Variants in CARD10 observed in about 807,000 individuals in gnomAD.
CARD10 encodes the protein caspase recruitment domain-containing protein 10.
Under a neutral mutation model 114.6 loss-of-function variants are expected in CARD10, and 49 were observed. The observed-to-expected ratio is 0.43, with a 90% confidence interval of 0.34 to 0.54. The LOEUF is 0.54. CARD10 is among the 20% of genes least tolerant of loss of function. The pLI, the probability that CARD10 is intolerant of heterozygous loss-of-function variation, is 0.03. For missense variants in CARD10, 1,206 were observed against 1,397.2 expected (o/e 0.86, Z 2.18); for synonymous variants, 602 against 593.2 (o/e 1.01, Z -0.21).
intron 14 of CARD10, 56 bp downstream of exon 14, chr22:37,495,704 C>T: frequency 3.1e-6 from 5 of 1,611,606 alleles, no homozygotes; most frequent in Non-Finnish European, 4.2e-6. Flanking sequence ...AGAGCACCCC[C>T]ATCTGAGCCC....
chr22:37,518,408 C>G (rs1449793495), intron 1 of CARD10, among the ~76,000 whole-genome samples: 1 of 152,172 alleles, frequency 6.6e-6, no homozygotes, highest in South Asian at 2.1e-4. Context: ...CCCTCTATCC[C>G]CAGAAGCAAA....
Position 37,492,920 on chromosome 22 carries a change from C to A in CARD10, c.2477-118G>T. 1 of 1,042,086 alleles carries A rather than the reference C, an allele frequency of 9.6e-7. No individual in the cohort carries two copies. Among genetic ancestry groups the A allele is most frequent in the South Asian group, 1.6e-5 (1 of 64,278 alleles). 64.6% of individuals were successfully genotyped at this position (1,042,086 alleles called of 1,614,324 possible). A position where few individuals can be genotyped will look rare whatever the true frequency, so the allele number is the denominator to read the frequency against. On this transcript the variant is annotated intron_variant, in intron 16 of 19. Coordinates refer to ENST00000251973, the MANE Select transcript of CARD10 (RefSeq NM_014550.4). This position sits in a 1 kb window ranked among gnomAD's most constrained non-coding sequence, Gnocchi z 5.7. ...CTTCCTAAGTCCTGCTGCTGCTCCT[C>A]CTACACATGCACACACACACACCCT...
Position 37,491,772 on chromosome 22 carries a change from C to T in CARD10, c.2847G>A (p.Lys949=), listed in dbSNP as rs779045150. ...PIVIHVEVTE[K]NVREVRGLLG... ...CACCTCACCTGACTTCCCGGACATT[C>T]TTCTCAGTCACCTCCACGTGGATGA... Residue 949 remains lysine (K), a synonymous_variant, in exon 19 of 20, where the codon AAG becomes AAA. Transcript: ENST00000251973. The T allele has an allele frequency of 1.0e-6, 1 of 985,306 alleles. No individual in the cohort carries two copies. The highest frequency in any genetic ancestry group is 1.5e-6 in the Non-Finnish European group (1 of 677,606). 61.0% of individuals were successfully genotyped at this position (985,306 alleles called of 1,614,324 possible).
rs575823689 is a variant in CARD10, at chr22:37,496,643, G to C, written c.1948-83C>G. ...CAGGGGCTGGAGGAAGACCAGGTGT[G>C]GGGGTGTTTCATGCCTCACAGTTCA... On this transcript the variant is annotated intron_variant, in intron 12 of 19. Transcript: ENST00000251973. This position sits in a 1 kb window ranked among gnomAD's most constrained non-coding sequence, Gnocchi z 4.1. 5 of 990,488 alleles carry C rather than the reference G, an allele frequency of 5.0e-6. No homozygotes were observed. Among genetic ancestry groups the C allele is most frequent in the African/African-American group, 1.6e-5 (1 of 62,318 alleles). 61.4% of individuals were successfully genotyped at this position (990,488 alleles called of 1,614,324 possible).
At position 37,494,111 on chromosome 22, in the gene CARD10, A is replaced by G; in HGVS notation, c.2451T>C (p.Asp817=). The change falls in exon 16 of 20, where the codon GAT becomes GAC. Residue 817 remains aspartate, a synonymous_variant. Transcript: ENST00000251973. ...PVGAPAGDSP[D]QLLLEPCAEP... is the part of the protein sequence containing the mutation. ...CTGCACAGGGCTCCAGCAGCAGCTG[A>G]TCCGGGGAGTCCCCTGCAGGCGCCC... 1 of 1,558,258 alleles carries G rather than the reference A, an allele frequency of 6.4e-7. No homozygotes were observed.
At chr22:37,503,904 C>T (rs1349930240) in intron 9 of CARD10, 29 of 575,048 alleles carry the variant, frequency 5.0e-5, no homozygotes, top group Non-Finnish European at 6.6e-5. Flanking sequence ...TCAAGCTTCT[C>T]CTTGGGTATA....
Position 37,519,396 on chromosome 22 carries a change from C to T in CARD10, c.-196G>A, listed in dbSNP as rs1022459003. ...CGGGTCCGCACTCGGGCGGCGGCTC[C>T]GCCGGCGCAGGGGGGCGGTGCCCGT... On this transcript the variant is annotated 5_prime_UTR_variant, in exon 1 of 20. Transcript: ENST00000251973. This position sits in a 1 kb window ranked among gnomAD's most constrained non-coding sequence, Gnocchi z 4.1. 1.3e-4 allele frequency: 150 copies of T among 1,199,450 alleles called. No individual in the cohort carries two copies. The highest frequency in any genetic ancestry group is 1.5e-4 in the Non-Finnish European group (145 of 967,720). The allele number at this position is 1,199,450 out of a possible 1,614,324, so 74.3% of individuals were successfully genotyped here. A position where few individuals can be genotyped will look rare whatever the true frequency, so the allele number is the denominator to read the frequency against.
chr22:37,502,052 G>A (rs1468527826), intron 11 of CARD10, among the ~76,000 whole-genome samples: 1 of 152,104 alleles, frequency 6.6e-6, no homozygotes, highest in Non-Finnish European at 1.5e-5. Flanking sequence ...CAGCGGCCAC[G>A]CACCGGCCAC....
At chr22:37,495,220 C>T (rs1387228455) in intron 15 of CARD10, among the ~76,000 whole-genome samples, 1 of 152,210 alleles carries the variant, frequency 6.6e-6, no homozygotes, top group African/African-American at 2.4e-5. Context: ...CCCACCTCGG[C>T]CTCCCAAAGT....
In CARD10 at chr22:37,507,832, G is replaced by T; in HGVS notation, c.1188C>A (p.Asp396Glu). The change falls in exon 6 of 20, where the codon GAC becomes GAA. Residue 396 changes from aspartate to glutamate, a missense_variant. Physicochemically the swap from Asp to Glu is conservative, Grantham distance 45. Transcript: ENST00000251973. Reference sequence around the variant, plus strand: ...CGTACACGCAGGCTGGGCTCACCTGGTCTCGCTCCTTCTCAATCTCCTCCA... The same window carrying T: ...CGTACACGCAGGCTGGGCTCACCTGTTCTCGCTCCTTCTCAATCTCCTCCA... ...AQLEEIEKER[D>E]QAIQSRDRIQ... The T allele has an allele frequency of 6.2e-7, 1 of 1,614,138 alleles. No homozygotes were observed. The highest frequency in any genetic ancestry group is 8.5e-7 in the Non-Finnish European group (1 of 1,180,004).
intron 3 of CARD10, among the ~76,000 whole-genome samples, chr22:37,515,538 G>C (rs1221006942): frequency 6.7e-6 from 1 of 148,576 alleles, no homozygotes; most frequent in Non-Finnish European, 1.5e-5. Flanking sequence ...ACTCCAGCCT[G>C]GGCAACAAGG....
chr22:37,493,298 C>T (rs1243803223), intron 16 of CARD10, among the ~76,000 whole-genome samples: 1 of 152,232 alleles, frequency 6.6e-6, no homozygotes, highest in East Asian at 1.9e-4. Context: ...CCCTTGCCCT[C>T]CCTTCAGAGC....
chr22:37,492,359 G>A lies in CARD10; in HGVS notation c.2751+76C>T. ...AGAGCATGGCCCGCGCTCAGACGCTGGCGCTCAAGCCCAGAACAGCAGCAC... is the reference window on the plus strand; with the variant it reads ...AGAGCATGGCCCGCGCTCAGACGCTAGCGCTCAAGCCCAGAACAGCAGCAC... On this transcript the variant is annotated intron_variant, in intron 18 of 19. Coordinates refer to ENST00000251973, the MANE Select transcript of CARD10 (RefSeq NM_014550.4). The surrounding 1 kb of genome is among the most constrained non-coding windows in gnomAD (Gnocchi z 5.7). 1 of 1,130,022 alleles carries A rather than the reference G, an allele frequency of 8.8e-7. No individual in the cohort carries two copies. Among genetic ancestry groups the A allele is most frequent in the Non-Finnish European group, 1.2e-6 (1 of 802,760 alleles). The allele number at this position is 1,130,022 out of a possible 1,614,324, so 70.0% of individuals were successfully genotyped here.
intron 4 of CARD10, among the ~76,000 whole-genome samples, chr22:37,509,636 C>T (rs1192697985): frequency 6.7e-6 from 1 of 150,092 alleles, no homozygotes; most frequent in Non-Finnish European, 1.5e-5. Context: ...CCCTCCTGAC[C>T]TCCCCGCAGC....
At chr22:37,498,007 T>G (rs899182172) in intron 11 of CARD10, among the ~76,000 whole-genome samples, 1 of 152,048 alleles carries the variant, frequency 6.6e-6, no homozygotes, top group African/African-American at 2.4e-5. Flanking sequence ...TGGTGAAGAA[T>G]AGATGCACTT....
chr22:37,498,065 G>A (rs1409590899), intron 11 of CARD10, among the ~76,000 whole-genome samples: 2 of 152,160 alleles, frequency 1.3e-5, no homozygotes, highest in Non-Finnish European at 2.9e-5. Flanking sequence ...GAATATATCA[G>A]AGCAAAGGTG....
rs762662124 is a variant in CARD10, at chr22:37,491,811, C to T, written c.2808G>A (p.Glu936=). ...ARGVRELVQN[E]IYPIVIHVEV... ...CCACGTGGATGACGATGGGGTAGAT[C>T]TCGTTCTGCACCAGCTCCCGCACAC... The change falls in exon 19 of 20, where the codon GAG becomes GAA. Residue 936 remains glutamate (E), a synonymous_variant. Transcript: ENST00000251973. 6.8e-7 allele frequency: 1 copy of T among 1,479,180 alleles called. No individual in the cohort carries two copies. Among genetic ancestry groups the T allele is most frequent in the Non-Finnish European group, 9.1e-7 (1 of 1,096,182 alleles). 91.6% of individuals were successfully genotyped at this position (1,479,180 alleles called of 1,614,324 possible). A position where few individuals can be genotyped will look rare whatever the true frequency, so the allele number is the denominator to read the frequency against.
intron 15 of CARD10, chr22:37,494,522 C>T (rs948159574): frequency 4.4e-5 from 16 of 361,304 alleles, no homozygotes; most frequent in African/African-American, 1.1e-4. Flanking sequence ...ATGTCACATA[C>T]GAGGCAAACT....
chr22:37,507,742 A>G, intron 6 of CARD10, 87 bp downstream of exon 6: 2 of 1,527,666 alleles, frequency 1.3e-6, no homozygotes, highest in South Asian at 1.2e-5. Context: ...TCTTTCTACC[A>G]TTCTAGTCCC....
Sources: gnomAD v4.1 joint callset for allele counts (sites outside exome capture counted in the v4.1 genomes callset) on GRCh38, gnomAD v4.1.1 for gene constraint, Gnocchi (gnomAD v3.1) non-coding constraint, MANE v1.5 for transcripts, NCBI Gene and HGNC (gene_info 2026-07-23, HGNC 2026-07-21) for gene names.